The following EFHC2 variants were observed in gnomAD, a reference collection of about 807,000 sequenced individuals.
The protein encoded by EFHC2 is EF-hand domain-containing family member C2.
EFHC2 carries 18 observed loss-of-function variants against 52.7 expected under a neutral mutation model. The observed-to-expected ratio is 0.34, with a 90% CI of 0.24 to 0.51. The LOEUF is 0.51. EFHC2 is among the 20% of genes least tolerant of loss of function. The pLI is 0.97. For synonymous variants in EFHC2, 203 were observed against 204.1 expected (o/e 0.99, Z 0.04); for missense variants, 513 against 562.5 (o/e 0.91, Z 0.89).
chrX:44,264,814 G>A (rs1447747727), intron 3 of EFHC2, among the ~76,000 whole-genome samples: 1 of 112,043 alleles, frequency 8.9e-6, no homozygotes, highest in African/African-American at 3.2e-5. Flanking sequence ...TCCATCAGCA[G>A]GAATTTGTTT....
chrX:44,272,754 T>C lies in EFHC2; in HGVS notation c.314A>G (p.Tyr105Cys). The change falls in exon 3 of 15, where the codon TAC (tyrosine) becomes TGC (cysteine). Residue 105 changes from tyrosine to cysteine, a missense_variant. Physicochemically the swap from Tyr to Cys is radical, Grantham distance 194 (BLOSUM62 -2). Coordinates refer to ENST00000420999, the MANE Select transcript of EFHC2 (RefSeq NM_025184.4). ...AATTGTGTCATCTTCAGGGTAGAAG[T>C]AGATTTTATAGTATCTTATTCTGTA... ...TNYRIRYYKI[Y>C]FYPEDDTIQV... The C allele has an allele frequency of 5.1e-6, 6 of 1,166,986 alleles. No individual in the cohort carries two copies. The highest frequency in any genetic ancestry group is 4.6e-6 in the Non-Finnish European group (4 of 871,005).
intron 12 of EFHC2, among the ~76,000 whole-genome samples, chrX:44,178,129 T>TCTCACACACACACACACA (rs779701339): frequency 1.7e-3 from 143 of 83,951 alleles, no homozygotes; most frequent in Non-Finnish European, 2.5e-3. Context: ...AGATGCCATA[T>TCTCACACACACACACACA]CACACACACA....
chrX:44,335,667 T>C (rs2038112207), intron 1 of EFHC2, among the ~76,000 whole-genome samples: 1 of 112,136 alleles, frequency 8.9e-6, no homozygotes, highest in Admixed American at 9.5e-5. Flanking sequence ...CTAATGTACT[T>C]ATGAAGCAAG....
chrX:44,289,770 C>T (rs1160600123), intron 2 of EFHC2, among the ~76,000 whole-genome samples: 1 of 104,182 alleles, frequency 9.6e-6, no homozygotes, highest in African/African-American at 3.6e-5. Flanking sequence ...CAACCTCCAC[C>T]TTCCAGGTTC....
intron 13 of EFHC2, among the ~76,000 whole-genome samples, chrX:44,175,954 A>C (rs2036783023): frequency 8.9e-6 from 1 of 112,435 alleles, no homozygotes; most frequent in Non-Finnish European, 1.9e-5. Flanking sequence ...TATAGCTATC[A>C]GGAACTGCTG....
At chrX:44,183,744 C>T (rs1457895498) in intron 11 of EFHC2, among the ~76,000 whole-genome samples, 1 of 111,616 alleles carries the variant, frequency 9.0e-6, no homozygotes, top group Non-Finnish European at 1.9e-5. Context: ...TGGTTTCTTC[C>T]GGAGTTATGC....
At position 44,232,661 on chromosome X, in the gene EFHC2, C is replaced by A; in HGVS notation, c.1440G>T (p.Met480Ile). The change falls in exon 10 of 15, where the codon ATG (methionine) becomes ATT (isoleucine). Residue 480 changes from methionine to isoleucine, a missense_variant. Transcript: ENST00000420999. Reference protein sequence around the residue: ...IERNSGIAGGMFLKRSRVKKP... With the variant: ...IERNSGIAGGIFLKRSRVKKP... ...TCTTAACGCGACTTCTTTTCAAGAA[C>A]ATCCCACCAGCAATTCCTATAAAAA... 8.4e-7 allele frequency: 1 copy of A among 1,195,169 alleles called. No individual in the cohort carries two copies.
intron 9 of EFHC2, among the ~76,000 whole-genome samples, chrX:44,232,919 AGCAAC>A (rs2037290325): frequency 8.9e-6 from 1 of 111,810 alleles, no homozygotes; most frequent in Non-Finnish European, 1.9e-5. Context: ...CTGCAGTCCC[AGCAAC>A]GCAAGAGGCT....
intron 1 of EFHC2, among the ~76,000 whole-genome samples, chrX:44,337,008 A>C (rs971017298): frequency 8.9e-6 from 1 of 111,988 alleles, no homozygotes; most frequent in Non-Finnish European, 1.9e-5. Context: ...TTTGTCATAT[A>C]GTTTTAGTAG....
intron 4 of EFHC2, among the ~76,000 whole-genome samples, chrX:44,252,952 G>T (rs2037463011): frequency 9.0e-6 from 1 of 110,914 alleles, no homozygotes; most frequent in South Asian, 3.9e-4. Flanking sequence ...CATTGGGACT[G>T]CTTAGACAGT....
rs138826487 is a variant in EFHC2 at position 44,238,961 on chromosome X, C to G, written c.1280+3160G>C. On this transcript the variant is annotated intron_variant, in intron 8 of 14. Transcript: ENST00000420999. ...TTTGTTCACTGATGTATCACAAACA[C>G]CCAGAACACTGCTTGGCACACAGCA... Among the ~76,000 whole-genome samples, 298 of 111,723 alleles carry G rather than the reference C, an allele frequency of 2.7e-3. 3 individuals are homozygous for G. Among genetic ancestry groups the G allele is most frequent in the African/African-American group, 9.1e-3 (281 of 30,733 alleles).
At chrX:44,192,447 A>G (rs1372414016) in intron 11 of EFHC2, among the ~76,000 whole-genome samples, 2 of 111,697 alleles carry the variant, frequency 1.8e-5, no homozygotes, top group Non-Finnish European at 3.8e-5. Flanking sequence ...TTTGATTCTT[A>G]TAAGAGTCTT....
intron 1 of EFHC2, among the ~76,000 whole-genome samples, chrX:44,323,470 T>G (rs1292374123): frequency 8.9e-6 from 1 of 111,903 alleles, no homozygotes; most frequent in Non-Finnish European, 1.9e-5. Context: ...AAGTGAACCT[T>G]GAACCATGCA....
intron 11 of EFHC2, among the ~76,000 whole-genome samples, chrX:44,205,780 G>A (rs1363141901): frequency 9.0e-6 from 1 of 111,373 alleles, no homozygotes; most frequent in African/African-American, 3.3e-5. Context: ...CAATAATAGT[G>A]GAGGACTTCA....
At chrX:44,331,809 G>A (rs1230853974) in intron 1 of EFHC2, among the ~76,000 whole-genome samples, 1 of 110,448 alleles carries the variant, frequency 9.1e-6, no homozygotes, top group African/African-American at 3.3e-5. Context: ...CTGTGGTCCC[G>A]GCTACTCAAG....
chrX:44,263,620 A>T, intron 3 of EFHC2, among the ~76,000 whole-genome samples: 1 of 112,367 alleles, frequency 8.9e-6, no homozygotes, highest in African/African-American at 3.2e-5. Context: ...AATTCATAGC[A>T]CTGAAAACAG....
At chrX:44,321,477 T>A (rs1346365279) in intron 1 of EFHC2, among the ~76,000 whole-genome samples, 1 of 111,544 alleles carries the variant, frequency 9.0e-6, no homozygotes, top group East Asian at 2.8e-4. Flanking sequence ...AGTGCTGGAA[T>A]GAATGATGAT....
At chrX:44,220,801 C>T (rs2037187884) in intron 11 of EFHC2, among the ~76,000 whole-genome samples, 1 of 112,019 alleles carries the variant, frequency 8.9e-6, no homozygotes, top group African/African-American at 3.2e-5. Flanking sequence ...CATGCACATA[C>T]ACATATATTT....
rs1323700899 is a variant in EFHC2 at position 44,305,533 on chromosome X, T to C, written c.231+7035A>G. On this transcript the variant is annotated intron_variant, in intron 2 of 14. Coordinates refer to ENST00000420999, the MANE Select transcript of EFHC2 (RefSeq NM_025184.4). ...TAATAATAATAATTAGATAATAAAA[T>C]ATTATCTAGCTTAATTGCTGAGTTT... Among the ~76,000 whole-genome samples the C allele has an allele frequency of 3.6e-5, 4 of 112,231 alleles. No homozygotes were observed. In the East Asian group the frequency reaches 1.1e-3, roughly 31 times the overall value.
Sources: gnomAD v4.1 joint callset for allele counts (sites outside exome capture counted in the v4.1 genomes callset) on GRCh38, gnomAD v4.1.1 for gene constraint, MANE v1.5 for transcripts, NCBI Gene and HGNC (gene_info 2026-07-23, HGNC 2026-07-21) for gene names.